The following CUL4A variants were observed in gnomAD, a reference collection of about 807,000 sequenced individuals.
The protein encoded by CUL4A is cullin 4A.
Under a neutral mutation model 95.5 loss-of-function variants are expected in CUL4A, and 16 were observed. The ratio of observed to expected loss-of-function variants is 0.17; its 90% CI spans 0.11 to 0.25. The LOEUF (loss-of-function observed/expected upper bound fraction) is 0.25, where lower values mean the gene tolerates loss of function less well. CUL4A is among the 10% of genes least tolerant of loss of function. CUL4A has a pLI of 1.00. For synonymous variants in CUL4A, 380 were observed against 353.1 expected (o/e 1.08, Z -0.85); for missense variants, 610 against 937.0 (o/e 0.65, Z 4.56).
chr13:113,221,370 C>T (rs562150821), intron 3 of CUL4A, among the ~76,000 whole-genome samples: 6 of 152,302 alleles, frequency 3.9e-5, no homozygotes, highest in African/African-American at 1.4e-4. Flanking sequence ...TATAGACCAG[C>T]ACACCACAGC....
intron 5 of CUL4A, chr13:113,230,168 G>C (rs1283759648): frequency 6.4e-6 from 1 of 155,124 alleles, no homozygotes; most frequent in Non-Finnish European, 1.4e-5. Flanking sequence ...TTAATGTAGT[G>C]TTTCATTCTT....
chr13:113,252,058 C>T (rs959135940), intron 15 of CUL4A, among the ~76,000 whole-genome samples: 1 of 152,020 alleles, frequency 6.6e-6, no homozygotes, highest in Admixed American at 6.5e-5. Context: ...GAGGGTATGA[C>T]GGACCAGGAA....
chr13:113,209,701 C>A lies in CUL4A; in HGVS notation c.74C>A (p.Ala25Glu). 1 of 1,154,154 alleles carries A rather than the reference C, an allele frequency of 8.7e-7. No homozygotes were observed. Among genetic ancestry groups the A allele is most frequent in the Non-Finnish European group, 1.1e-6 (1 of 938,838 alleles). The allele number at this position is 1,154,154 out of a possible 1,614,324, so 71.5% of individuals were successfully genotyped here. Residue 25 changes from alanine to glutamate, a missense_variant, in exon 1 of 20, where the codon GCG becomes GAG. Physicochemically the swap from Ala to Glu is moderately radical, Grantham distance 107 (BLOSUM62 -1). Around this residue, in one of 10 missense-constraint regions of CUL4A, gnomAD observed 168 missense variants for 185.5 expected, o/e 0.91. Transcript: ENST00000375440. ...CGCACCAACGGCCTCACCAAGCCCG[C>A]GGCCCTGGCCGCCGCGCCCGCCAAG... Reference protein sequence around the residue: ...VGRTNGLTKPAALAAAPAKPG... With the variant: ...VGRTNGLTKPEALAAAPAKPG...
chr13:113,236,980 A>G (rs1595392399), intron 9 of CUL4A, 90 bp downstream of exon 9: 6 of 825,342 alleles, frequency 7.3e-6, no homozygotes, highest in African/African-American at 3.5e-5. Context: ...TAGCAGTGTT[A>G]GGACGTTTGT....
At chr13:113,233,063 A>T in intron 5 of CUL4A, 114 bp from the exon 6 acceptor site, 3 of 1,109,436 alleles carry the variant, frequency 2.7e-6, no homozygotes, top group Non-Finnish European at 3.8e-6. Flanking sequence ...CTAGATGTAG[A>T]GAATTAGCAA....
chr13:113,216,616 G>A (rs1011226207), intron 2 of CUL4A, among the ~76,000 whole-genome samples: 1 of 152,138 alleles, frequency 6.6e-6, no homozygotes, highest in African/African-American at 2.4e-5. Context: ...TGGCCTGAGT[G>A]CACCAACATG....
At position 113,260,203 on chromosome 13, in the gene CUL4A, C is replaced by CAA. The variant is rs71101559; in HGVS notation, c.2032-389_2032-388dup. ...TGGGTGACAGAGTGAGACTCCGTCT[C>CAA]AAAAAAAAAAAAAAAACCATTTCCC... On this transcript the variant is annotated intron_variant, in intron 18 of 19. Transcript: ENST00000375440. 0.015 allele frequency among the ~76,000 whole-genome samples: 184 copies of CAA among 12,530 alleles called. 62 individuals carry two copies. In the South Asian group the frequency reaches 0.33, roughly 23 times the overall value. The allele number at this position is 12,530 out of a possible 152,430, so 8.2% of individuals were successfully genotyped here.
intron 8 of CUL4A, 115 bp from the exon 9 acceptor site, chr13:113,236,708 G>A (rs542371092): frequency 2.3e-5 from 14 of 615,074 alleles, no homozygotes; most frequent in South Asian, 1.4e-4. Flanking sequence ...TTAACCTTCC[G>A]TTTCTGATTG....
At chr13:113,220,606 G>A (rs1432756472) in intron 3 of CUL4A, among the ~76,000 whole-genome samples, 1 of 152,190 alleles carries the variant, frequency 6.6e-6, no homozygotes, top group Non-Finnish European at 1.5e-5. Flanking sequence ...CAAAGACTTA[G>A]GCGTTTATGA....
chr13:113,209,948 C>T, intron 1 of CUL4A, 25 bp from the exon 2 acceptor site: 4 of 1,476,556 alleles, frequency 2.7e-6, no homozygotes, highest in Non-Finnish European at 3.6e-6. Context: ...CGCCCTGAGC[C>T]GCCCGCTCTC....
chr13:113,214,216 C>T (rs2040560100), intron 2 of CUL4A, among the ~76,000 whole-genome samples: 5 of 152,148 alleles, frequency 3.3e-5, no homozygotes, highest in Admixed American at 3.3e-4. Flanking sequence ...CTCAGCTGGC[C>T]TGTTGTTTCT....
intron 15 of CUL4A, among the ~76,000 whole-genome samples, chr13:113,249,738 C>T (rs2041946944): frequency 6.6e-6 from 1 of 152,176 alleles, no homozygotes; most frequent in Admixed American, 6.5e-5. Context: ...ACGAGAGCTT[C>T]CCACCTTCTC....
At chr13:113,239,345 A>T in intron 9 of CUL4A, 88 bp from the exon 10 acceptor site, 1 of 1,117,146 alleles carries the variant, frequency 9.0e-7, no homozygotes, top group Non-Finnish European at 1.4e-6. Flanking sequence ...CGGTGTATTG[A>T]CGTTCTTCTG....
intron 3 of CUL4A, among the ~76,000 whole-genome samples, chr13:113,225,692 G>A (rs1175557883): frequency 6.6e-6 from 1 of 152,256 alleles, no homozygotes; most frequent in Non-Finnish European, 1.5e-5. Context: ...GGCTTGCTGG[G>A]AGGTCCAGGC....
At chr13:113,242,029 A>C (rs1294797603) in intron 10 of CUL4A, among the ~76,000 whole-genome samples, 1 of 151,996 alleles carries the variant, frequency 6.6e-6, no homozygotes, top group Non-Finnish European at 1.5e-5. Context: ...TTAAAAATAC[A>C]AACTAGGCTA....
chr13:113,213,234 A>G (rs932261688), intron 2 of CUL4A, among the ~76,000 whole-genome samples: 8 of 152,130 alleles, frequency 5.3e-5, no homozygotes, highest in Non-Finnish European at 1.0e-4. Context: ...CAAAAAATTT[A>G]AAAATTAGCC....
chr13:113,229,313 T>G, intron 4 of CUL4A, 133 bp from the exon 5 acceptor site: 1 of 670,742 alleles, frequency 1.5e-6, no homozygotes, highest in Non-Finnish European at 2.5e-6. Flanking sequence ...AAAAAAAAAA[T>G]AAAACATGAG....
chr13:113,210,916 T>C (rs909279989), intron 2 of CUL4A, among the ~76,000 whole-genome samples: 2 of 152,254 alleles, frequency 1.3e-5, no homozygotes, highest in African/African-American at 4.8e-5. Context: ...CAGTTTGGTG[T>C]ACATACATCC....
chr13:113,266,525 CAG>C lies in CUL4A; in HGVS notation c.*2945_*2946del, dbSNP rs1301404119. 3.3e-5 allele frequency: 5 copies of C among 152,168 alleles called. No homozygotes were observed. Among genetic ancestry groups the C allele is most frequent in the African/African-American group, 1.2e-4 (5 of 41,442 alleles). 9.4% of individuals were successfully genotyped at this position (152,168 alleles called of 1,614,324 possible). A position where few individuals can be genotyped will look rare whatever the true frequency, so the allele number is the denominator to read the frequency against. On this transcript the variant is annotated 3_prime_UTR_variant, in exon 20 of 20. Coordinates refer to ENST00000375440, the MANE Select transcript of CUL4A (RefSeq NM_001008895.4). ...ACACAAGCGGATTCTAAAGTTAAAA[CAG>C]AAAAGCAAATATGCCAGACTAGTCA...
Sources: allele counts gnomAD v4.1 joint callset (sites outside exome capture counted in the v4.1 genomes callset), GRCh38; gene constraint gnomAD v4.1.1; regional missense constraint gnomAD v4.1.1; transcripts MANE v1.5; gene names NCBI Gene and HGNC (gene_info 2026-07-23, HGNC 2026-07-21).